Variants in YTHDC1 observed in about 807,000 individuals in gnomAD.
The protein encoded by YTHDC1 is YTH N6-methyladenosine RNA binding protein C1.
Under a neutral mutation model 107.0 loss-of-function variants are expected in YTHDC1, and 12 were observed. That is an observed-to-expected ratio of 0.11 (90% CI 0.07 to 0.18). YTHDC1 has a LOEUF of 0.18. Ranked by LOEUF, YTHDC1 falls within the 10% of genes least tolerant of loss-of-function variation. The pLI, the probability that YTHDC1 is intolerant of heterozygous loss-of-function variation, is 1.00. For missense variants in YTHDC1, 635 were observed against 898.8 expected (o/e 0.71, Z 3.75); for synonymous variants, 280 against 289.5 (o/e 0.97, Z 0.33).
rs1724362979 is a variant in YTHDC1 at position 68,337,746 on chromosome 4, A to G, written c.285T>C (p.Tyr95=). The change falls in exon 3 of 17, where the codon TAT becomes TAC. Residue 95 remains tyrosine, a synonymous_variant. Transcript: ENST00000344157. The stretch of plus-strand genomic sequence containing the variant: ...CAGATCTTTGATATTCCTCATTTTT[A>G]TACTCTGTGGCTGACTTTCCTTTTG... ...VSTKGKSATE[Y]KNEEYQRSER... The G allele has an allele frequency of 2.5e-6, 4 of 1,614,030 alleles. No individual in the cohort carries two copies. Among genetic ancestry groups the G allele is most frequent in the African/African-American group, 2.7e-5 (2 of 74,994 alleles).
At chr4:68,344,963 C>A (rs1329685074) in intron 1 of YTHDC1, among the ~76,000 whole-genome samples, 1 of 152,054 alleles carries the variant, frequency 6.6e-6, no homozygotes, top group Non-Finnish European at 1.5e-5. Context: ...TCTGGGAGGT[C>A]GCGGCTGCAG....
chr4:68,314,980 T>C (rs978604743), intron 16 of YTHDC1, among the ~76,000 whole-genome samples: 2 of 152,180 alleles, frequency 1.3e-5, no homozygotes, highest in African/African-American at 4.8e-5. Flanking sequence ...TTACCTTTTA[T>C]ATATGTGATT....
At position 68,337,082 on chromosome 4, in the gene YTHDC1, T is replaced by C. The variant is rs756034705; in HGVS notation, c.828A>G (p.Glu276=). ...TRSEASDSGS[E]SVSFTDGSVR... is the part of the protein sequence containing the mutation. ...CAGACCCATCTGTGAAGGAAACAGA[T>C]TCAGAACCAGAGTCACTGGCCTCAC... is the stretch of plus-strand genomic sequence containing the variant. The change falls in exon 4 of 17, where the codon GAA becomes GAG. Residue 276 remains glutamate (E), a synonymous_variant. Transcript: ENST00000344157. 6.8e-6 allele frequency: 11 copies of C among 1,614,030 alleles called. No homozygotes were observed. The highest frequency in any genetic ancestry group is 1.1e-5 in the South Asian group (1 of 91,068).
At chr4:68,324,014 G>T in intron 10 of YTHDC1, 125 bp downstream of exon 10, 1 of 787,114 alleles carries the variant, frequency 1.3e-6, no homozygotes, top group Non-Finnish European at 2.0e-6. Flanking sequence ...CTTCAGATAA[G>T]ATTATTTTTT....
intron 1 of YTHDC1, among the ~76,000 whole-genome samples, chr4:68,340,212 GA>G (rs1222956387): frequency 1.3e-5 from 2 of 151,952 alleles, no homozygotes; most frequent in African/African-American, 4.8e-5. Context: ...TGACTGAAGA[GA>G]ATAGTTAATA....
At chr4:68,319,125 A>C (rs1035548581) in intron 12 of YTHDC1, among the ~76,000 whole-genome samples, 1 of 152,186 alleles carries the variant, frequency 6.6e-6, no homozygotes, top group Non-Finnish European at 1.5e-5. Context: ...AAATCTTGCT[A>C]ATCAGAAAAT....
intron 9 of YTHDC1, among the ~76,000 whole-genome samples, chr4:68,326,758 T>C (rs1723033605): frequency 6.6e-6 from 1 of 151,590 alleles, no homozygotes; most frequent in Admixed American, 6.6e-5. Flanking sequence ...ATCTGGCTAA[T>C]TTTTGCATTT....
At chr4:68,339,398 C>A (rs1451079067) in intron 1 of YTHDC1, among the ~76,000 whole-genome samples, 1 of 152,144 alleles carries the variant, frequency 6.6e-6, no homozygotes, top group African/African-American at 2.4e-5. Context: ...CTGAACACAG[C>A]CCACAATATT....
In YTHDC1 at chr4:68,327,999, G is replaced by A. The variant is rs78024371; in HGVS notation, c.1349+2003C>T. Among the ~76,000 whole-genome samples the A allele has an allele frequency of 2.7e-4, 41 of 152,192 alleles. No individual in the cohort carries two copies. In the East Asian group the frequency reaches 5.6e-3, roughly 21 times the overall value. ...TACTGCCCACAATTTTACACCTCACGTTAGTAGGATAGACAAATTGAGTCT... is the reference window on the plus strand; with the variant it reads ...TACTGCCCACAATTTTACACCTCACATTAGTAGGATAGACAAATTGAGTCT... On this transcript the variant is annotated intron_variant, in intron 9 of 16. Coordinates refer to ENST00000344157, the MANE Select transcript of YTHDC1 (RefSeq NM_001031732.4).
Position 68,338,323 on chromosome 4 carries a change from C to T in YTHDC1, c.90G>A (p.Leu30=). The T allele has an allele frequency of 1.2e-6, 2 of 1,609,120 alleles. No individual in the cohort carries two copies. Among genetic ancestry groups the T allele is most frequent in the Non-Finnish European group, 1.7e-6 (2 of 1,178,182 alleles). The change falls in exon 2 of 17, where the codon CTG becomes CTA. Residue 30 remains leucine, a synonymous_variant. Coordinates refer to ENST00000344157, the MANE Select transcript of YTHDC1 (RefSeq NM_001031732.4). ...TATCTTGTTCACTCTCTGGATTATA[C>T]AGTTCATCATCTTGTTCTGGTACTT... ...LTEVPEQDDE[L]YNPESEQDKN...
chr4:68,316,351 G>A lies in YTHDC1; in HGVS notation c.1922C>T (p.Pro641Leu). 1 of 1,613,938 alleles carries A rather than the reference G, an allele frequency of 6.2e-7. No homozygotes were observed. Among genetic ancestry groups the A allele is most frequent in the Non-Finnish European group, 8.5e-7 (1 of 1,179,920 alleles). ...TCTGTATCTTGCTTCATGTGGTACTGGATGATGTCCTGAGTAAGGGGGATG... is the reference window on the plus strand; with the variant it reads ...TCTGTATCTTGCTTCATGTGGTACTAGATGATGTCCTGAGTAAGGGGGATG... Reference protein sequence around the residue: ...QAHPPYSGHHPVPHEARYRDK... With the variant: ...QAHPPYSGHHLVPHEARYRDK... Residue 641 changes from proline to leucine, a missense_variant, in exon 16 of 17, where the codon CCA (proline) becomes CTA (leucine). By Grantham distance (98) the Pro-to-Leu change is moderately conservative (BLOSUM62 -3). Transcript: ENST00000344157.
At chr4:68,333,870 G>A (rs1337726039) in intron 4 of YTHDC1, among the ~76,000 whole-genome samples, 1 of 151,906 alleles carries the variant, frequency 6.6e-6, no homozygotes, top group African/African-American at 2.4e-5. Flanking sequence ...CTTTACAACT[G>A]GAAAAATATA....
chr4:68,337,161 T>C lies in YTHDC1; in HGVS notation c.749A>G (p.Tyr250Cys), dbSNP rs990519175. The C allele has an allele frequency of 2.5e-5, 40 of 1,613,890 alleles. No homozygotes were observed. Among genetic ancestry groups the C allele is most frequent in the Non-Finnish European group, 3.4e-5 (40 of 1,179,864 alleles). The change falls in exon 4 of 17, where the codon TAT (tyrosine) becomes TGT (cysteine). Residue 250 changes from tyrosine to cysteine, a missense_variant. Transcript: ENST00000344157. ...EEEEEEEEEE[Y>C]EQDERDQKEE... ...TTTCTGGTCTCTCTCATCCTGTTCA[T>C]ATTCTTCTTCTTCCTCCTCCTCCTC... is the stretch of plus-strand genomic sequence containing the variant.
Position 68,312,883 on chromosome 4 carries a change from G to C in YTHDC1, c.*1216C>G, listed in dbSNP as rs1449458963. The C allele has an allele frequency of 6.6e-6, 1 of 152,198 alleles. No individual in the cohort carries two copies. Among genetic ancestry groups the C allele is most frequent in the Admixed American group, 6.5e-5 (1 of 15,292 alleles). The allele number at this position is 152,198 out of a possible 1,614,324, so 9.4% of individuals were successfully genotyped here. On this transcript the variant is annotated 3_prime_UTR_variant, in exon 17 of 17. Coordinates refer to ENST00000344157, the MANE Select transcript of YTHDC1 (RefSeq NM_001031732.4). ...AAATTATTTCATAAACTGTTTTCTT[G>C]AGCGGCTCTATTTCTATGTTATAGT...
intron 10 of YTHDC1, 57 bp downstream of exon 10, chr4:68,324,082 A>G: frequency 2.0e-6 from 3 of 1,464,256 alleles, no homozygotes; most frequent in Non-Finnish European, 2.8e-6. Context: ...ATCAATAAAG[A>G]TCTCTAAAAG....
chr4:68,326,340 G>C (rs1401500348), intron 9 of YTHDC1, among the ~76,000 whole-genome samples: 1 of 152,112 alleles, frequency 6.6e-6, no homozygotes, highest in Non-Finnish European at 1.5e-5. Context: ...TGAAGCCTGA[G>C]GCAAAACAGG....
chr4:68,321,667 G>A (rs1722460527), intron 11 of YTHDC1, among the ~76,000 whole-genome samples: 1 of 152,188 alleles, frequency 6.6e-6, no homozygotes, highest in Non-Finnish European at 1.5e-5. Context: ...GCTCTGCCAG[G>A]TTTCCTCCTA....
At chr4:68,333,474 A>G (rs1723816977) in intron 4 of YTHDC1, 77 bp from the exon 5 acceptor site, 1 of 1,058,062 alleles carries the variant, frequency 9.5e-7, no homozygotes, top group Non-Finnish European at 1.4e-6. Flanking sequence ...ATGTATCATT[A>G]CATGTCTAGT....
chr4:68,312,570 G>A lies in YTHDC1; in HGVS notation c.*1529C>T, dbSNP rs1283927597. The A allele has an allele frequency of 6.6e-6, 1 of 152,164 alleles. No homozygotes were observed. Among genetic ancestry groups the A allele is most frequent in the African/African-American group, 2.4e-5 (1 of 41,456 alleles). 9.4% of individuals were successfully genotyped at this position (152,164 alleles called of 1,614,324 possible). On this transcript the variant is annotated 3_prime_UTR_variant, in exon 17 of 17. Transcript: ENST00000344157. ...ATTTAAAACAAATCCTCAGGCTTTA[G>A]TTTTGTCATTGTAAATAAAACTTCT...
Sources: gnomAD v4.1 joint callset for allele counts (sites outside exome capture counted in the v4.1 genomes callset) on GRCh38, gnomAD v4.1.1 for gene constraint, MANE v1.5 for transcripts, NCBI Gene and HGNC (gene_info 2026-07-23, HGNC 2026-07-21) for gene names.